Variants in PIWIL1 observed in about 807,000 individuals in gnomAD.
The protein encoded by PIWIL1 is piwi-like protein 1.
A neutral mutation model predicts 114.4 loss-of-function variants in PIWIL1; 73 were observed. The observed-to-expected ratio is 0.64, with a 90% CI of 0.53 to 0.78. PIWIL1 has a LOEUF of 0.78. PIWIL1 is among the 30% of genes least tolerant of loss of function. The pLI is 0.00. For missense variants in PIWIL1, 723 were observed against 1,063.1 expected (o/e 0.68, Z 4.45); for synonymous variants, 375 against 369.0 (o/e 1.02, Z -0.19).
chr12:130,348,289 C>T (rs188699382), intron 7 of PIWIL1, 106 bp downstream of exon 7: 69 of 613,624 alleles, frequency 1.1e-4, no homozygotes, highest in African/African-American at 6.5e-4. Context: ...CTGTTAATGC[C>T]GCCCATCACA....
At chr12:130,374,138 A>C (rs2136206928), downstream of PIWIL1, among the ~76,000 whole-genome samples, 1 of 152,274 alleles carries the variant, frequency 6.6e-6, no homozygotes, top group Admixed American at 6.5e-5. Flanking sequence ...AAAATGTGAC[A>C]CTCATTGAAG....
chr12:130,341,487 G>A (rs564886958), intron 1 of PIWIL1, among the ~76,000 whole-genome samples: 2 of 152,210 alleles, frequency 1.3e-5, no homozygotes, highest in Non-Finnish European at 2.9e-5. Flanking sequence ...TCCTGCCTTC[G>A]TGTAGTATTC....
At chr12:130,343,404 T>C (rs533517345) in intron 3 of PIWIL1, among the ~76,000 whole-genome samples, 31 of 152,324 alleles carry the variant, frequency 2.0e-4, no homozygotes, top group African/African-American at 5.8e-4. Flanking sequence ...GTAAAGATCA[T>C]TGTGACCATT....
At chr12:130,357,918 C>G (rs1391528387) in intron 14 of PIWIL1, among the ~76,000 whole-genome samples, 4 of 152,202 alleles carry the variant, frequency 2.6e-5, no homozygotes, top group Non-Finnish European at 4.4e-5. Context: ...TACATGGAAG[C>G]TCCCCAGACA....
intron 12 of PIWIL1, 53 bp downstream of exon 12, chr12:130,355,720 C>T: frequency 8.1e-7 from 1 of 1,240,818 alleles, no homozygotes; most frequent in Non-Finnish European, 1.2e-6. Flanking sequence ...GAGTCTCGCT[C>T]TGTCCCCCAG....
chr12:130,373,321 G>A (rs1240532930), downstream of PIWIL1, among the ~76,000 whole-genome samples: 1 of 152,106 alleles, frequency 6.6e-6, no homozygotes. Context: ...TAGTCAGTTA[G>A]TTAAGTCATG....
At chr12:130,347,317 C>G (rs528105268) in intron 6 of PIWIL1, among the ~76,000 whole-genome samples, 82 of 152,302 alleles carry the variant, frequency 5.4e-4, no homozygotes, top group African/African-American at 1.9e-3. Context: ...CACTCATATC[C>G]TCGAGAGCTA....
At chr12:130,394,747 G>A in the PIWIL1 span, among the ~76,000 whole-genome samples, 1 of 148,024 alleles carries the variant, frequency 6.8e-6, no homozygotes, top group Non-Finnish European at 1.5e-5. Context: ...TGGAACACAG[G>A]AGTTTTGTGT....
chr12:130,377,429 G>A (rs2173085), downstream of PIWIL1, among the ~76,000 whole-genome samples: 9,173 of 152,230 alleles, frequency 0.06, 410 homozygotes, highest in East Asian at 0.17. Context: ...CGCAGTTCAC[G>A]GAACAATCTC....
intron 16 of PIWIL1, among the ~76,000 whole-genome samples, chr12:130,362,368 GA>G (rs1244901916): frequency 6.6e-6 from 1 of 152,224 alleles, no homozygotes; most frequent in Admixed American, 6.5e-5. Context: ...GTAACGGATG[GA>G]GCTGAAGGTC....
chr12:130,342,184 G>C (rs1384447817), intron 1 of PIWIL1: 1 of 194,024 alleles, frequency 5.2e-6, no homozygotes, highest in Admixed American at 5.3e-5. Context: ...GTGTGTGTGT[G>C]TGTGTGTCTG....
chr12:130,396,148 AATTTT>A, the PIWIL1 span: 3 of 152,676 alleles, frequency 2.0e-5, no homozygotes, highest in African/African-American at 7.2e-5. Context: ...TAAAATAACA[AATTTT>A]ATTTCTAGAA....
chr12:130,357,056 C>T lies in PIWIL1; in HGVS notation c.1543C>T (p.Leu515=). 6.2e-7 allele frequency: 1 copy of T among 1,613,490 alleles called. No homozygotes were observed. The highest frequency in any genetic ancestry group is 8.5e-7 in the Non-Finnish European group (1 of 1,179,730). The part of the protein sequence containing the change: ...YEAANSLIQN[L]FKVTPAMGMQ... ...AGCAGCCAATTCATTGATACAAAAT[C>T]TATTTAAAGTTACACCAGCCATGGG... Residue 515 remains leucine, a synonymous_variant, in exon 13 of 21, where the codon CTA becomes TTA. Transcript: ENST00000245255.
At chr12:130,353,429 T>G (rs1277704233) in intron 9 of PIWIL1, among the ~76,000 whole-genome samples, 1 of 143,802 alleles carries the variant, frequency 7.0e-6, no homozygotes, top group Non-Finnish European at 1.5e-5. Context: ...GGTGTGTGGG[T>G]TTTTTTTTTT....
At chr12:130,416,952 A>T in the PIWIL1 span, among the ~76,000 whole-genome samples, 1 of 151,640 alleles carries the variant, frequency 6.6e-6, no homozygotes, top group Non-Finnish European at 1.5e-5. Context: ...AAATATAAAT[A>T]AAAAATATAT....
At chr12:130,405,346 T>C in the PIWIL1 span, among the ~76,000 whole-genome samples, 2 of 152,318 alleles carry the variant, frequency 1.3e-5, no homozygotes, top group Middle Eastern at 3.4e-3. Flanking sequence ...TGCCTGCGGC[T>C]GTAGCATGTT....
At chr12:130,423,571 G>T in the PIWIL1 span, among the ~76,000 whole-genome samples, 1 of 147,504 alleles carries the variant, frequency 6.8e-6, no homozygotes, top group Non-Finnish European at 1.5e-5. Context: ...CCGGCGGGGA[G>T]AAGGCTGATC....
the PIWIL1 span, among the ~76,000 whole-genome samples, chr12:130,402,027 T>C: frequency 1.3e-4 from 20 of 152,346 alleles, no homozygotes; most frequent in South Asian, 4.1e-3. Flanking sequence ...TGGAACTGCC[T>C]GCACTGGTTA....
intron 6 of PIWIL1, among the ~76,000 whole-genome samples, chr12:130,347,801 G>A (rs536931810): frequency 2.0e-5 from 3 of 152,314 alleles, no homozygotes; most frequent in South Asian, 2.1e-4. Context: ...CTGGACCGCC[G>A]AAACAGCCAG....
Sources: allele counts gnomAD v4.1 joint callset (sites outside exome capture counted in the v4.1 genomes callset), GRCh38; gene constraint gnomAD v4.1.1; transcripts MANE v1.5; gene names NCBI Gene and HGNC (gene_info 2026-07-23, HGNC 2026-07-21).